The following GALNT18 variants were observed in gnomAD, a reference collection of about 807,000 sequenced individuals.
GALNT18 encodes the protein polypeptide N-acetylgalactosaminyltransferase 18.
GALNT18 carries 44 observed loss-of-function variants against 69.5 expected under a neutral mutation model. The observed-to-expected ratio is 0.63, with a 90% CI of 0.50 to 0.81. The LOEUF (loss-of-function observed/expected upper bound fraction) is 0.81, where lower values mean the gene tolerates loss of function less well. GALNT18 is among the 40% of genes least tolerant of loss of function. GALNT18 has a pLI of 0.00. For missense variants in GALNT18, 715 were observed against 810.0 expected (o/e 0.88, Z 1.42); for synonymous variants, 364 against 318.2 (o/e 1.14, Z -1.53).
At position 11,439,508 on chromosome 11, in the gene GALNT18, C is replaced by T. The variant is rs1318080009; in HGVS notation, c.429-6721G>A. Among the ~76,000 whole-genome samples the T allele has an allele frequency of 6.6e-6, 1 of 152,228 alleles. No homozygotes were observed. On this transcript the variant is annotated intron_variant, in intron 2 of 10. Coordinates refer to ENST00000227756, the MANE Select transcript of GALNT18 (RefSeq NM_198516.3). The surrounding 1 kb of genome is among the most constrained non-coding windows in gnomAD (Gnocchi z 4.4). The stretch of plus-strand genomic sequence containing the variant: ...AGTCCAGTCCCCTGTGAGACTCTCA[C>T]AGATTCTGCTTTTCTTTCATGCCAT...
chr11:11,520,250 C>T (rs1046425360), intron 1 of GALNT18, among the ~76,000 whole-genome samples: 1 of 152,240 alleles, frequency 6.6e-6, no homozygotes, highest in African/African-American at 2.4e-5. Flanking sequence ...ATTATTTTCT[C>T]CATTTTAAAG....
Position 11,318,784 on chromosome 11 carries a change from G to A in GALNT18, c.1512+8302C>T, listed in dbSNP as rs1430682405. 6.6e-6 allele frequency among the ~76,000 whole-genome samples: 1 copy of A among 152,246 alleles called. No individual in the cohort carries two copies. The highest frequency in any genetic ancestry group is 1.9e-4 in the East Asian group (1 of 5,176). The stretch of plus-strand genomic sequence containing the variant: ...AGAAATAAGGCAAAAACAAAGAGGG[G>A]AAGTGGCCTGTCCTTTTAATATTAT... On this transcript the variant is annotated intron_variant, in intron 9 of 10. Coordinates refer to ENST00000227756, the MANE Select transcript of GALNT18 (RefSeq NM_198516.3). This position sits in a 1 kb window ranked among gnomAD's most constrained non-coding sequence, Gnocchi z 5.1.
Position 11,339,115 on chromosome 11 carries a change from C to T in GALNT18, c.1278+1704G>A, listed in dbSNP as rs191975202. ...AAGTTTGATAAGAGGAAGGAGAGGACATTTGGACACAGGGAACAGGAGAGG... is the reference window on the plus strand; with the variant it reads ...AAGTTTGATAAGAGGAAGGAGAGGATATTTGGACACAGGGAACAGGAGAGG... On this transcript the variant is annotated intron_variant, in intron 7 of 10. Transcript: ENST00000227756. The surrounding 1 kb of genome is among the most constrained non-coding windows in gnomAD (Gnocchi z 5.2). Among the ~76,000 whole-genome samples, 27 of 152,164 alleles carry T rather than the reference C, an allele frequency of 1.8e-4. No homozygotes were observed. The highest frequency in any genetic ancestry group is 1.4e-3 in the Admixed American group (21 of 15,292).
intron 1 of GALNT18, among the ~76,000 whole-genome samples, chr11:11,482,449 A>G (rs530651954): frequency 1.9e-3 from 285 of 152,338 alleles, no homozygotes; most frequent in Non-Finnish European, 3.4e-3. Flanking sequence ...CTGTTCTGCA[A>G]TGAGGGAAAA....
rs768428700 is a variant in GALNT18 at position 11,351,954 on chromosome 11, G to A, written c.1093-10950C>T. ...AGACAGATAGGGCCGTTACTGCTGA[G>A]CGCCAGTGGCAGCTGGAACAGGCAT... is the stretch of plus-strand genomic sequence containing the variant. On this transcript the variant is annotated intron_variant, in intron 6 of 10. Coordinates refer to ENST00000227756, the MANE Select transcript of GALNT18 (RefSeq NM_198516.3). 1.1e-5 allele frequency: 17 copies of A among 1,593,764 alleles called. No individual in the cohort carries two copies. In the African/African-American group the frequency reaches 1.9e-4, roughly 18 times the overall value.
chr11:11,424,958 T>A (rs1027984856), intron 3 of GALNT18, among the ~76,000 whole-genome samples: 4 of 152,116 alleles, frequency 2.6e-5, no homozygotes, highest in African/African-American at 7.2e-5. Context: ...GACAAAGCGA[T>A]GAGACTGCCT....
intron 1 of GALNT18, among the ~76,000 whole-genome samples, chr11:11,561,959 T>C (rs993439936): frequency 6.6e-6 from 1 of 152,172 alleles, no homozygotes; most frequent in Non-Finnish European, 1.5e-5. Flanking sequence ...CTCACAGGGG[T>C]GAAGGGACCT....
At chr11:11,407,719 A>G (rs1369005503) in intron 3 of GALNT18, among the ~76,000 whole-genome samples, 1 of 152,210 alleles carries the variant, frequency 6.6e-6, no homozygotes, top group Non-Finnish European at 1.5e-5. Context: ...AACTTAATAA[A>G]CCTAAAAGGA....
chr11:11,442,743 G>A (rs4910005), intron 2 of GALNT18, among the ~76,000 whole-genome samples: 56,503 of 152,014 alleles, frequency 0.37, 11,667 homozygotes, highest in Middle Eastern at 0.53. Context: ...TAGGGCTGCA[G>A]AACATATTCT....
At chr11:11,579,289 G>A (rs138307658) in intron 1 of GALNT18, among the ~76,000 whole-genome samples, 379 of 152,308 alleles carry the variant, frequency 2.5e-3, no homozygotes, top group African/African-American at 8.7e-3. Context: ...CCTGAGTCGA[G>A]CCCCACCTGT....
chr11:11,356,170 T>G lies in GALNT18; in HGVS notation c.1093-15166A>C, dbSNP rs1489454693. On this transcript the variant is annotated intron_variant, in intron 6 of 10. Transcript: ENST00000227756. This position sits in a 1 kb window ranked among gnomAD's most constrained non-coding sequence, Gnocchi z 4.4. ...TGGAGATGCCCCTGACCCCTCCTTC[T>G]GCAACTTCAGATTTATGAATATCGG... 6.6e-6 allele frequency among the ~76,000 whole-genome samples: 1 copy of G among 152,206 alleles called. No homozygotes were observed. The highest frequency in any genetic ancestry group is 6.5e-5 in the Admixed American group (1 of 15,270).
chr11:11,555,607 A>C lies in GALNT18; in HGVS notation c.235+65752T>G, dbSNP rs1234589313. ...CCTGTTGTTTTAAGCCACCCACTTT[A>C]TTACAGAACCCTAGGAAATTGAAAC... On this transcript the variant is annotated intron_variant, in intron 1 of 10. Coordinates refer to ENST00000227756, the MANE Select transcript of GALNT18 (RefSeq NM_198516.3). The surrounding 1 kb of genome is among the most constrained non-coding windows in gnomAD (Gnocchi z 4.7). 1.3e-5 allele frequency among the ~76,000 whole-genome samples: 2 copies of C among 152,192 alleles called. No individual in the cohort carries two copies.
rs899665834 is a variant in GALNT18, at chr11:11,564,055, T to C, written c.235+57304A>G. On this transcript the variant is annotated intron_variant, in intron 1 of 10. Transcript: ENST00000227756. The surrounding 1 kb of genome is among the most constrained non-coding windows in gnomAD (Gnocchi z 4.3). ...CTAGTGAGGCACCATGCTAAATGAA[T>C]GTCAGCTTGTTTAACTCTTACAAGA... Among the ~76,000 whole-genome samples, 1 of 152,208 alleles carries C rather than the reference T, an allele frequency of 6.6e-6. No individual in the cohort carries two copies. The highest frequency in any genetic ancestry group is 6.5e-5 in the Admixed American group (1 of 15,276).
intron 6 of GALNT18, chr11:11,352,744 GGTACAAT>G: frequency 6.2e-7 from 1 of 1,614,100 alleles, no homozygotes; most frequent in Non-Finnish European, 8.5e-7. Context: ...GTTAACGTCT[GGTACAAT>G]TGCTTGAAGT....
chr11:11,512,581 G>A (rs1325187351), intron 1 of GALNT18, among the ~76,000 whole-genome samples: 1 of 152,216 alleles, frequency 6.6e-6, no homozygotes, highest in Admixed American at 6.5e-5. Flanking sequence ...TGAGCCCAGT[G>A]CTGTGACAGT....
At chr11:11,589,404 C>G (rs1444542392) in intron 1 of GALNT18, among the ~76,000 whole-genome samples, 3 of 152,204 alleles carry the variant, frequency 2.0e-5, no homozygotes, top group Non-Finnish European at 4.4e-5. Context: ...TCAAAGGTAA[C>G]AAATGCCCAC....
intron 1 of GALNT18, among the ~76,000 whole-genome samples, chr11:11,482,092 C>A (rs34844096): frequency 0.1 from 15,861 of 152,278 alleles, 946 homozygotes; most frequent in Non-Finnish European, 0.12. Context: ...ATCCTTGTCT[C>A]CCAGGGCTGA....
chr11:11,300,978 T>C (rs1292974269), intron 9 of GALNT18, among the ~76,000 whole-genome samples: 1 of 152,178 alleles, frequency 6.6e-6, no homozygotes, highest in Non-Finnish European at 1.5e-5. Context: ...TTAAAAGCAA[T>C]GCCCCTGCAG....
Position 11,596,170 on chromosome 11 carries a change from T to A in GALNT18, c.235+25189A>T, listed in dbSNP as rs1015846992. ...TTCCCCCCTTTAAATTGTTTGAGCATCCTTATCAAAATAAAATTGACCATA... is the reference window on the plus strand; with the variant it reads ...TTCCCCCCTTTAAATTGTTTGAGCAACCTTATCAAAATAAAATTGACCATA... On this transcript the variant is annotated intron_variant, in intron 1 of 10. Transcript: ENST00000227756. The surrounding 1 kb of genome is among the most constrained non-coding windows in gnomAD (Gnocchi z 4.2). Among the ~76,000 whole-genome samples the A allele has an allele frequency of 1.2e-4, 19 of 152,316 alleles. No homozygotes were observed. Among genetic ancestry groups the A allele is most frequent in the Admixed American group, 7.2e-4 (11 of 15,298 alleles).
Sources: allele counts gnomAD v4.1 joint callset (sites outside exome capture counted in the v4.1 genomes callset), GRCh38; gene constraint gnomAD v4.1.1; non-coding constraint Gnocchi (gnomAD v3.1); transcripts MANE v1.5; gene names NCBI Gene and HGNC (gene_info 2026-07-23, HGNC 2026-07-21).